The following MTMR14 variants were observed in gnomAD, a reference collection of about 807,000 sequenced individuals.
MTMR14 encodes the protein myotubularin related protein 14, also known as phosphatidylinositol-3,5-bisphosphate 3-phosphatase MTMR14.
Under a neutral mutation model 86.3 loss-of-function variants are expected in MTMR14, and 48 were observed. The ratio of observed to expected loss-of-function variants is 0.56; its 90% CI spans 0.44 to 0.71. MTMR14 has a LOEUF of 0.71. Ranked by LOEUF, MTMR14 falls within the 30% of genes least tolerant of loss-of-function variation. The probability of loss-of-function intolerance (pLI) is 0.00; values close to 1 mark genes in which losing one functional copy is unlikely to be tolerated. For synonymous variants in MTMR14, 366 were observed against 326.1 expected (o/e 1.12, Z -1.32); for missense variants, 780 against 834.6 (o/e 0.93, Z 0.81).
chr3:9,661,229 T>C (rs2047911848), intron 2 of MTMR14, among the ~76,000 whole-genome samples: 2 of 152,142 alleles, frequency 1.3e-5, no homozygotes. Context: ...TCCCCAACCT[T>C]TTTGGCACCA....
At chr3:9,668,525 C>T (rs922864971) in intron 3 of MTMR14, among the ~76,000 whole-genome samples, 194 bp from the exon 4 acceptor site, 13 of 152,144 alleles carry the variant, frequency 8.5e-5, no homozygotes, top group African/African-American at 2.9e-4. Flanking sequence ...AGTGAGACTC[C>T]CTCAGTAGAG....
Position 9,687,856 on chromosome 3 carries a change from T to G in MTMR14, c.1200T>G (p.Ile400Met). ...FFFCFNFLKH[I>M]TSEEFSALKT... ...TCTGCTTCAATTTTTTGAAGCATAT[T>G]ACCTCCGAGGAGTTCTCTGCTCTGA... The change falls in exon 14 of 19, where the codon ATT becomes ATG. Residue 400 changes from isoleucine (I) to methionine (M), a missense_variant. By Grantham distance (10) the Ile-to-Met change is conservative. Transcript: ENST00000296003. 1 of 1,587,960 alleles carries G rather than the reference T, an allele frequency of 6.3e-7. No homozygotes were observed. The highest frequency in any genetic ancestry group is 8.6e-7 in the Non-Finnish European group (1 of 1,164,530).
At chr3:9,682,665 A>G (rs753495082) in intron 9 of MTMR14, among the ~76,000 whole-genome samples, 5 of 152,252 alleles carry the variant, frequency 3.3e-5, no homozygotes, top group African/African-American at 4.8e-5. Context: ...GATAGTATGC[A>G]GTAAATAGCA....
In MTMR14 at chr3:9,697,866, T is replaced by A. The variant is rs187153906; in HGVS notation, c.1769T>A (p.Leu590Gln). 53 of 1,614,172 alleles carry A rather than the reference T, an allele frequency of 3.3e-5. No individual in the cohort carries two copies. The Admixed American group carries it at 8.7e-4, about 26-fold the overall frequency. The part of the protein sequence containing the change: ...SFPDELPNSC[L>Q]LAALSDRETR... ...CCGGATGAGCTCCCTAACAGTTGTC[T>A]GTAAGTGTCTTGCTTGAGAAGGCAG... The change falls in exon 18 of 19, where the codon CTG (leucine) becomes CAG (glutamine). Residue 590 changes from leucine (L) to glutamine (Q), a missense_variant and splice_region_variant. Transcript: ENST00000296003.
chr3:9,701,888 C>T lies in MTMR14; in HGVS notation c.1868C>T (p.Pro623Leu). The change falls in exon 19 of 19, where the codon CCC (proline) becomes CTC (leucine). Residue 623 changes from proline to leucine, a missense_variant. By Grantham distance (98) the Pro-to-Leu change is moderately conservative. Coordinates refer to ENST00000296003, the MANE Select transcript of MTMR14 (RefSeq NM_001077525.3). This position sits in a 1 kb window ranked among gnomAD's most constrained non-coding sequence, Gnocchi z 4.2. ...ACAGTGGGGCTTCGGGCAGTAGCCC[C>T]CAGTCCTTCCGGTGCCATCGGGGGC... ...SSTVGLRAVA[P>L]SPSGAIGGLL... 1.9e-6 allele frequency: 3 copies of T among 1,614,194 alleles called. No homozygotes were observed. Among genetic ancestry groups the T allele is most frequent in the Non-Finnish European group, 2.5e-6 (3 of 1,180,054 alleles).
chr3:9,663,898 C>G (rs183244697), intron 3 of MTMR14, among the ~76,000 whole-genome samples: 142 of 152,048 alleles, frequency 9.3e-4, no homozygotes, highest in Non-Finnish European at 1.7e-3. Flanking sequence ...AAGCAATTCT[C>G]CTGCCTCAGC....
At position 9,694,632 on chromosome 3, in the gene MTMR14, C is replaced by T. The variant is rs182187835; in HGVS notation, c.1614-3079C>T. Among the ~76,000 whole-genome samples the T allele has an allele frequency of 1.7e-3, 253 of 152,286 alleles. 1 individual carries two copies. The highest frequency in any genetic ancestry group is 5.9e-3 in the African/African-American group (246 of 41,534). On this transcript the variant is annotated intron_variant, in intron 17 of 18. Coordinates refer to ENST00000296003, the MANE Select transcript of MTMR14 (RefSeq NM_001077525.3). ...ACTGTAGCTGTGGTTAAGGACTTGG[C>T]CTTAGTCATTTGTCCGAGAGCCTGT...
chr3:9,668,242 C>T (rs1294492980), intron 3 of MTMR14, among the ~76,000 whole-genome samples: 1 of 152,212 alleles, frequency 6.6e-6, no homozygotes, highest in African/African-American at 2.4e-5. Flanking sequence ...TCACAGTAAG[C>T]ACATAGAGGT....
Position 9,669,440 on chromosome 3 carries a change from G to A in MTMR14, c.502G>A (p.Asp168Asn), listed in dbSNP as rs1216348476. The A allele has an allele frequency of 1.9e-6, 3 of 1,614,020 alleles. No individual in the cohort carries two copies. The highest frequency in any genetic ancestry group is 1.3e-5 in the African/African-American group (1 of 75,060). ...GYNYFFSGGA[D>N]DAWADVEDVT... Reference sequence around the variant, plus strand: ...ATAGGTTTCTCTGGCAGGGGGTGCAGATGATGCCTGGGCAGATGTGGAGGA... The same window carrying A: ...ATAGGTTTCTCTGGCAGGGGGTGCAAATGATGCCTGGGCAGATGTGGAGGA... The change falls in exon 5 of 19, where the codon GAT (aspartate) becomes AAT (asparagine). Residue 168 changes from aspartate (D) to asparagine (N), a missense_variant. Physicochemically the swap from Asp to Asn is conservative, Grantham distance 23. Transcript: ENST00000296003.
intron 14 of MTMR14, among the ~76,000 whole-genome samples, chr3:9,688,383 T>C (rs1312550031): frequency 1.3e-5 from 2 of 152,236 alleles, no homozygotes; most frequent in Non-Finnish European, 2.9e-5. Flanking sequence ...GTTGGGGTCT[T>C]GCCTGAGTTG....
At chr3:9,674,981 C>A (rs941908586) in intron 7 of MTMR14, among the ~76,000 whole-genome samples, 1 of 152,238 alleles carries the variant, frequency 6.6e-6, no homozygotes, top group African/African-American at 2.4e-5. Context: ...CGCGGTGGCG[C>A]ATGCCTGTAA....
chr3:9,686,786 G>C (rs890155931), intron 13 of MTMR14, among the ~76,000 whole-genome samples: 8 of 152,224 alleles, frequency 5.3e-5, no homozygotes, highest in Admixed American at 1.3e-4. Flanking sequence ...GGATTTCTCT[G>C]AGAGAGGGGC....
intron 9 of MTMR14, among the ~76,000 whole-genome samples, chr3:9,680,816 G>T (rs534967849): frequency 2.0e-4 from 30 of 152,264 alleles, no homozygotes; most frequent in African/African-American, 6.3e-4. Flanking sequence ...CAGCCTGGGC[G>T]ACAGAGCGAG....
intron 9 of MTMR14, among the ~76,000 whole-genome samples, chr3:9,679,169 A>G (rs1001992517): frequency 6.6e-6 from 1 of 152,212 alleles, no homozygotes; most frequent in Non-Finnish European, 1.5e-5. Flanking sequence ...GCTCACAGCA[A>G]CTGTTTGAGT....
At chr3:9,675,864 C>G (rs1255918539) in intron 7 of MTMR14, among the ~76,000 whole-genome samples, 1 of 152,186 alleles carries the variant, frequency 6.6e-6, no homozygotes, top group Non-Finnish European at 1.5e-5. Context: ...AACCTGGGCT[C>G]ATAACTCAGG....
At chr3:9,690,192 T>G in intron 17 of MTMR14, 49 bp downstream of exon 17, 3 of 1,600,210 alleles carry the variant, frequency 1.9e-6, no homozygotes, top group Non-Finnish European at 2.6e-6. Context: ...GCTTTCCCCC[T>G]TAATAAGACT....
chr3:9,661,128 G>A (rs1435352231), intron 2 of MTMR14, among the ~76,000 whole-genome samples: 1 of 152,116 alleles, frequency 6.6e-6, no homozygotes, highest in Non-Finnish European at 1.5e-5. Flanking sequence ...CCTTTGCTCT[G>A]TGCGCTGTTG....
chr3:9,695,027 TTC>T (rs2076243394), intron 17 of MTMR14, among the ~76,000 whole-genome samples: 1 of 152,220 alleles, frequency 6.6e-6, no homozygotes, highest in Non-Finnish European at 1.5e-5. Flanking sequence ...TGGTCCCATG[TTC>T]TCTCCAGTCC....
chr3:9,673,942 TTGATGATGGTGATGATGA>T (rs2048714996), intron 7 of MTMR14, among the ~76,000 whole-genome samples: 1 of 151,964 alleles, frequency 6.6e-6, no homozygotes, highest in African/African-American at 2.4e-5. Flanking sequence ...GGTGATGATG[TTGATGATGGTGATGATGA>T]TGATGATGAT....
Sources: allele counts gnomAD v4.1 joint callset (sites outside exome capture counted in the v4.1 genomes callset), GRCh38; gene constraint gnomAD v4.1.1; non-coding constraint Gnocchi (gnomAD v3.1); transcripts MANE v1.5; gene names NCBI Gene and HGNC (gene_info 2026-07-23, HGNC 2026-07-21).